SMARCC2: variants seen among roughly 807,000 people sequenced by gnomAD.
SMARCC2 encodes SWI/SNF complex subunit SMARCC2.
A neutral mutation model predicts 151.3 loss-of-function variants in SMARCC2; 15 were observed. The observed-to-expected ratio is 0.10, with a 90% CI of 0.07 to 0.15. The LOEUF is 0.15. SMARCC2 is among the 10% of genes least tolerant of loss of function. The pLI is 1.00. For missense variants in SMARCC2, 1,031 were observed against 1,599.7 expected (o/e 0.64, Z 6.06); for synonymous variants, 590 against 609.5 (o/e 0.97, Z 0.47).
chr12:56,185,015 G>A lies in SMARCC2; in HGVS notation c.399+15C>T. Reference sequence around the variant, plus strand: ...CACTGAGGGAAGGGAGATAAATAGGGTATATGCCTATTACCTGCACCAAGG... The same window carrying A: ...CACTGAGGGAAGGGAGATAAATAGGATATATGCCTATTACCTGCACCAAGG... On this transcript the variant is annotated intron_variant, in intron 4 of 28. Transcript: ENST00000550164. 6.3e-7 allele frequency: 1 copy of A among 1,598,492 alleles called. No individual in the cohort carries two copies. The highest frequency in any genetic ancestry group is 8.6e-7 in the Non-Finnish European group (1 of 1,165,774).
At position 56,178,060 on chromosome 12, in the gene SMARCC2, C is replaced by T. The variant is rs532693342; in HGVS notation, c.1344G>A (p.Glu448=). 3.1e-6 allele frequency: 5 copies of T among 1,613,742 alleles called. No homozygotes were observed. The South Asian group carries it at 4.4e-5, about 14-fold the overall frequency. ...TGGACTTGTTCTTGCCGTTGAAGAACTCGGGGAGAGCCCTCCGCTCAATGG... is the reference window on the plus strand; with the variant it reads ...TGGACTTGTTCTTGCCGTTGAAGAATTCGGGGAGAGCCCTCCGCTCAATGG... The part of the protein sequence containing the change: ...VHAIERRALP[E]FFNGKNKSKT... The change falls in exon 15 of 29, where the codon GAG becomes GAA. Residue 448 remains glutamate, a synonymous_variant. Coordinates refer to ENST00000550164, the MANE Select transcript of SMARCC2 (RefSeq NM_001330288.2).
Position 56,181,088 on chromosome 12 carries a change from A to G in SMARCC2, c.970T>C (p.Tyr324His), listed in dbSNP as rs779000402. The G allele has an allele frequency of 1.2e-6, 2 of 1,613,472 alleles. No homozygotes were observed. The highest frequency in any genetic ancestry group is 2.2e-5 in the South Asian group (2 of 91,042). ...KNAKKGPSTP[Y>H]TKSKRGHREE... ...CTGTGGCCACGCTTTGACTTAGTGT[A>G]AGGTGTTGAGGGACTGGGAAGGAAA... The change falls in exon 11 of 29, where the codon TAC (tyrosine) becomes CAC (histidine). Residue 324 changes from tyrosine to histidine, a missense_variant. This residue lies in a region of SMARCC2 where 127 missense variants were observed against 141.7 expected (regional missense o/e 0.90). Coordinates refer to ENST00000550164, the MANE Select transcript of SMARCC2 (RefSeq NM_001330288.2).
intron 10 of SMARCC2, 130 bp downstream of exon 10, chr12:56,181,352 C>T: frequency 4.5e-6 from 3 of 666,172 alleles, no homozygotes; most frequent in Non-Finnish European, 2.6e-6. Context: ...TCTTCCCTCT[C>T]AGGACACCTG....
At chr12:56,172,736 C>T in intron 18 of SMARCC2, 32 bp from the exon 19 acceptor site, 1 of 1,612,098 alleles carries the variant, frequency 6.2e-7, no homozygotes, top group Middle Eastern at 1.7e-4. Context: ...CAGGTGAGTA[C>T]AAGTGACCAC....
chr12:56,183,635 T>G (rs887437381), intron 7 of SMARCC2: 7 of 454,212 alleles, frequency 1.5e-5, no homozygotes, highest in African/African-American at 2.0e-5. Flanking sequence ...TCGAAAATGA[T>G]GCTGGGATAA....
chr12:56,178,973 G>T (rs200376196), intron 12 of SMARCC2, 24 bp downstream of exon 12: 19 of 1,612,862 alleles, frequency 1.2e-5, no homozygotes, highest in Non-Finnish European at 1.6e-5. Context: ...TCTGACTGCC[G>T]TGCCCAAGAG....
chr12:56,185,158 A>G, intron 3 of SMARCC2, 47 bp from the exon 4 acceptor site: 1 of 1,479,306 alleles, frequency 6.8e-7, no homozygotes, highest in Non-Finnish European at 9.5e-7. Flanking sequence ...TCAGGTCTGC[A>G]GATGAGGTGA....
intron 26 of SMARCC2, 65 bp downstream of exon 26, chr12:56,167,995 C>CA (rs1873164407): frequency 6.5e-7 from 1 of 1,534,962 alleles, no homozygotes; most frequent in East Asian, 2.3e-5. Context: ...CACACACACA[C>CA]ACACGCCCCT....
rs1312386370 is a variant in SMARCC2 at position 56,185,117 on chromosome 12, G to A, written c.318-6C>T. On this transcript the variant is annotated splice_region_variant and splice_polypyrimidine_tract_variant and intron_variant, in intron 3 of 28. Coordinates refer to ENST00000550164, the MANE Select transcript of SMARCC2 (RefSeq NM_001330288.2). ...TCTGGAAATCGTAACGCCGCCTTGT[G>A]AAGAGGCAATAATCTAGTGAGTGGT... The A allele has an allele frequency of 1.2e-6, 2 of 1,612,600 alleles. No individual in the cohort carries two copies. The highest frequency in any genetic ancestry group is 4.5e-5 in the East Asian group (2 of 44,888).
At position 56,185,094 on chromosome 12, in the gene SMARCC2, T is replaced by C; in HGVS notation, c.335A>G (p.Gln112Arg). The change falls in exon 4 of 29, where the codon CAG becomes CGG. Residue 112 changes from glutamine to arginine, a missense_variant. Around this residue, in one of 12 missense-constraint regions of SMARCC2, gnomAD observed 16 missense variants for 56.0 expected, o/e 0.29. Coordinates refer to ENST00000550164, the MANE Select transcript of SMARCC2 (RefSeq NM_001330288.2). ...ATTGCGGTCCATGCGTGATGGATTC[T>C]GGAAATCGTAACGCCGCCTTGTGAA... ...SDQGWRRYDF[Q>R]NPSRMDRNVE... 1.2e-6 allele frequency: 2 copies of C among 1,614,112 alleles called. No individual in the cohort carries two copies. The highest frequency in any genetic ancestry group is 1.7e-6 in the Non-Finnish European group (2 of 1,179,970).
chr12:56,171,202 T>C lies in SMARCC2; in HGVS notation c.2347+69A>G. The C allele has an allele frequency of 1.3e-6, 2 of 1,509,006 alleles. No individual in the cohort carries two copies. The highest frequency in any genetic ancestry group is 2.3e-5 in the East Asian group (1 of 44,100). The allele number at this position is 1,509,006 out of a possible 1,614,324, so 93.5% of individuals were successfully genotyped here. Reference sequence around the variant, plus strand: ...CTCTAATGCCAACTTGAGGCAGAAATGGCACAGGAGGCCAGGTAGCTCTGG... The same window carrying C: ...CTCTAATGCCAACTTGAGGCAGAAACGGCACAGGAGGCCAGGTAGCTCTGG... On this transcript the variant is annotated intron_variant, in intron 22 of 28. Transcript: ENST00000550164. The surrounding 1 kb of genome is among the most constrained non-coding windows in gnomAD (Gnocchi z 4.2).
In SMARCC2 at chr12:56,181,746, G is replaced by A; in HGVS notation, c.798C>T (p.Val266=). ...DYEVNDDKNP[V]SRRKKISAKT... ...TGGCTGAAATCTTCTTTCGGCGGGA[G>A]ACAGGGTTTTTGTCATCATTTACTT... is the stretch of plus-strand genomic sequence containing the variant. Residue 266 remains valine (V), a synonymous_variant, in exon 9 of 29, where the codon GTC becomes GTT. Coordinates refer to ENST00000550164, the MANE Select transcript of SMARCC2 (RefSeq NM_001330288.2). 6.2e-7 allele frequency: 1 copy of A among 1,614,186 alleles called. No individual in the cohort carries two copies.
At chr12:56,166,043 C>T (rs952307220) in intron 26 of SMARCC2, among the ~76,000 whole-genome samples, 2 of 152,250 alleles carry the variant, frequency 1.3e-5, no homozygotes, top group African/African-American at 4.8e-5. Context: ...TCAAAATTCA[C>T]TAAAAAGTCA....
intron 17 of SMARCC2, 134 bp from the exon 18 acceptor site, chr12:56,173,163 A>G (rs1194171810): frequency 8.7e-6 from 6 of 688,060 alleles, no homozygotes; most frequent in African/African-American, 1.8e-5. Context: ...TGTTCCCTTC[A>G]TGATTAATAA....
rs1873854568 is a variant in SMARCC2 at position 56,171,057 on chromosome 12, T to G, written c.2347+214A>C. ...TCACAAGACTTTTCTAACAGCCCCT[T>G]CTACAAGCAAAGATTTTTCTACCCA... On this transcript the variant is annotated intron_variant, in intron 22 of 28. Coordinates refer to ENST00000550164, the MANE Select transcript of SMARCC2 (RefSeq NM_001330288.2). The surrounding 1 kb of genome is among the most constrained non-coding windows in gnomAD (Gnocchi z 4.2). 1.3e-5 allele frequency among the ~76,000 whole-genome samples: 2 copies of G among 152,156 alleles called. No homozygotes were observed. Among genetic ancestry groups the G allele is most frequent in the African/African-American group, 4.8e-5 (2 of 41,424 alleles).
Position 56,174,688 on chromosome 12 carries a change from G to A in SMARCC2, c.1459C>T (p.Arg487Cys), listed in dbSNP as rs1874596571. ...CAGACATCACCCGCTAGGTTTCGGC[G>A]GCAGGCGGTAGAGGTAAGATACTCT... The part of the protein sequence containing the change: ...PQEYLTSTAC[R>C]RNLAGDVCAI... Residue 487 changes from arginine (R) to cysteine (C), a missense_variant, in exon 16 of 29, where the codon CGC becomes TGC. Physicochemically the swap from Arg to Cys is radical, Grantham distance 180. Coordinates refer to ENST00000550164, the MANE Select transcript of SMARCC2 (RefSeq NM_001330288.2). 1.9e-6 allele frequency: 3 copies of A among 1,613,976 alleles called. No homozygotes were observed. Among genetic ancestry groups the A allele is most frequent in the Non-Finnish European group, 2.5e-6 (3 of 1,179,958 alleles).
At chr12:56,164,064 G>A (rs1387949548) in intron 28 of SMARCC2, among the ~76,000 whole-genome samples, 1 of 152,186 alleles carries the variant, frequency 6.6e-6, no homozygotes, top group Non-Finnish European at 1.5e-5. Context: ...TCTGCCACAG[G>A]ATTGCTCCAT....
At position 56,174,636 on chromosome 12, in the gene SMARCC2, A is replaced by T. The variant is rs769503930; in HGVS notation, c.1496+15T>A. ...CATCCTCATGTACCCCCTTCCCCTCAGCCACAAGACCCACCTCATGATGGC... is the reference window on the plus strand; with the variant it reads ...CATCCTCATGTACCCCCTTCCCCTCTGCCACAAGACCCACCTCATGATGGC... On this transcript the variant is annotated intron_variant, in intron 16 of 28. Coordinates refer to ENST00000550164, the MANE Select transcript of SMARCC2 (RefSeq NM_001330288.2). 1.2e-5 allele frequency: 19 copies of T among 1,572,468 alleles called. No homozygotes were observed. The South Asian group carries it at 2.1e-4, about 17-fold the overall frequency.
rs1876190137 is a variant in SMARCC2 at position 56,181,472 on chromosome 12, G to A, written c.956+10C>T. 3.4e-6 allele frequency: 5 copies of A among 1,460,060 alleles called. No homozygotes were observed. The highest frequency in any genetic ancestry group is 2.7e-5 in the South Asian group (2 of 73,460). 90.4% of individuals were successfully genotyped at this position (1,460,060 alleles called of 1,614,324 possible). A position where few individuals can be genotyped will look rare whatever the true frequency, so the allele number is the denominator to read the frequency against. On this transcript the variant is annotated intron_variant, in intron 10 of 28. Transcript: ENST00000550164. ...TGGTGAACACGGGGGCAGGCTAGGG[G>A]CTGGCACACCCTTTCTTAGCATTTT... is the stretch of plus-strand genomic sequence containing the variant.
Sources: gnomAD v4.1 joint callset for allele counts (sites outside exome capture counted in the v4.1 genomes callset) on GRCh38, gnomAD v4.1.1 for gene constraint, gnomAD v4.1.1 regional missense constraint, Gnocchi (gnomAD v3.1) non-coding constraint, MANE v1.5 for transcripts, NCBI Gene and HGNC (gene_info 2026-07-23, HGNC 2026-07-21) for gene names.